UTRN: variants seen among roughly 807,000 people sequenced by gnomAD.
UTRN encodes the protein utrophin, also known as dystrophin-related protein 1.
A neutral mutation model predicts 463.9 loss-of-function variants in UTRN; 283 were observed. That is an observed-to-expected ratio of 0.61 (90% CI 0.55 to 0.67). The LOEUF is 0.67. Ranked by LOEUF, UTRN falls within the 30% of genes least tolerant of loss-of-function variation. The pLI is 0.00. For synonymous variants in UTRN, 1,442 were observed against 1,431.5 expected, an observed-to-expected ratio of 1.01 and a Z score of -0.17; for missense variants, 3,922 against 4,084.3, an observed-to-expected ratio of 0.96 and a Z score of 1.08.
chr6:144,544,636 C>T (rs945271340), intron 46 of UTRN, among the ~76,000 whole-genome samples: 2 of 152,020 alleles, frequency 1.3e-5, no homozygotes, highest in African/African-American at 4.8e-5. Context: ...ACAGTCCTAC[C>T]GTACTTTCTT....
chr6:144,784,558 C>T (rs1461489640), intron 61 of UTRN, among the ~76,000 whole-genome samples: 1 of 152,206 alleles, frequency 6.6e-6, no homozygotes, highest in Non-Finnish European at 1.5e-5. Context: ...CAAATACAGT[C>T]CCATTCTGAG....
intron 2 of UTRN, among the ~76,000 whole-genome samples, chr6:144,361,546 C>T (rs941933695): frequency 6.6e-6 from 1 of 151,950 alleles, no homozygotes; most frequent in African/African-American, 2.4e-5. Context: ...CATTGCGGGG[C>T]TGATAAGGAA....
At chr6:144,294,464 T>C (rs1408812700) in intron 2 of UTRN, among the ~76,000 whole-genome samples, 2 of 152,218 alleles carry the variant, frequency 1.3e-5, no homozygotes, top group Non-Finnish European at 1.5e-5. Context: ...ATTGTCTACA[T>C]ATCATATATG....
intron 46 of UTRN, among the ~76,000 whole-genome samples, chr6:144,547,883 G>A (rs1267590094): frequency 2.6e-5 from 4 of 152,072 alleles, no homozygotes; most frequent in Non-Finnish European, 4.4e-5. Flanking sequence ...TTTTTATTAG[G>A]ATTGTGCTGA....
intron 54 of UTRN, among the ~76,000 whole-genome samples, chr6:144,737,135 A>G (rs1029269166): frequency 6.6e-6 from 1 of 151,676 alleles, no homozygotes; most frequent in African/African-American, 2.4e-5. Flanking sequence ...GAAAGAGTGT[A>G]AAAAAATGAT....
At chr6:144,580,455 A>G (rs140096710) in intron 51 of UTRN, among the ~76,000 whole-genome samples, 72 of 152,272 alleles carry the variant, frequency 4.7e-4, no homozygotes, top group Non-Finnish European at 9.0e-4. Flanking sequence ...ATCTTGGGTG[A>G]ATTTTGATAA....
At chr6:144,648,018 A>G (rs1309183692) in intron 51 of UTRN, among the ~76,000 whole-genome samples, 2 of 152,170 alleles carry the variant, frequency 1.3e-5, no homozygotes, top group Non-Finnish European at 2.9e-5. Flanking sequence ...TATACTTCTT[A>G]CTTAACATTA....
At chr6:144,351,309 C>T (rs2114658527) in intron 2 of UTRN, among the ~76,000 whole-genome samples, 1 of 152,252 alleles carries the variant, frequency 6.6e-6, no homozygotes, top group South Asian at 2.1e-4. Context: ...GAAGATAAGA[C>T]ATTAGTTTAA....
intron 3 of UTRN, among the ~76,000 whole-genome samples, chr6:144,412,477 G>A (rs960570423): frequency 3.3e-5 from 5 of 152,014 alleles, no homozygotes; most frequent in Admixed American, 1.3e-4. Flanking sequence ...TGAAATTGGG[G>A]TTCATGAGTT....
chr6:144,633,778 C>G (rs1316376317), intron 51 of UTRN, among the ~76,000 whole-genome samples: 2 of 152,112 alleles, frequency 1.3e-5, no homozygotes, highest in African/African-American at 4.8e-5. Flanking sequence ...CTTTTCCTTC[C>G]CTTCGGTATG....
At chr6:144,646,231 C>G (rs1048968267) in intron 51 of UTRN, among the ~76,000 whole-genome samples, 8 of 152,106 alleles carry the variant, frequency 5.3e-5, no homozygotes, top group Non-Finnish European at 1.2e-4. Context: ...ACCTTTTTAA[C>G]CTTCATTTAT....
intron 26 of UTRN, 143 bp from the exon 27 acceptor site, chr6:144,482,066 C>T: frequency 3.0e-6 from 2 of 666,018 alleles, no homozygotes; most frequent in Admixed American, 8.3e-5. Flanking sequence ...TTCACTGTTA[C>T]CTAAATAATG....
rs1363834631 is a variant in UTRN, at chr6:144,759,977, G to T, written c.8495+1988G>T. Reference sequence around the variant, plus strand: ...TTTATCATCTGATTTTTTTAAAAATGCAAACTGGATCTAGTTTTTGGGTTT... The same window carrying T: ...TTTATCATCTGATTTTTTTAAAAATTCAAACTGGATCTAGTTTTTGGGTTT... On this transcript the variant is annotated intron_variant, in intron 58 of 74. Coordinates refer to ENST00000367545, the MANE Select transcript of UTRN (RefSeq NM_007124.3). 3.9e-5 allele frequency among the ~76,000 whole-genome samples: 6 copies of T among 152,022 alleles called. No individual in the cohort carries two copies. In the East Asian group the frequency reaches 1.2e-3, roughly 29 times the overall value.
At chr6:144,549,137 C>T (rs1418801619) in intron 47 of UTRN, among the ~76,000 whole-genome samples, 1 of 152,174 alleles carries the variant, frequency 6.6e-6, no homozygotes, top group Admixed American at 6.5e-5. Context: ...TAAATATAAG[C>T]TGGCGTTAGC....
chr6:144,656,844 C>G (rs1779361121), intron 51 of UTRN, among the ~76,000 whole-genome samples: 1 of 152,052 alleles, frequency 6.6e-6, no homozygotes. Flanking sequence ...TATAGTTACC[C>G]TGTGATTAAA....
At chr6:144,541,237 G>A (rs892933136) in intron 45 of UTRN, among the ~76,000 whole-genome samples, 4 of 152,104 alleles carry the variant, frequency 2.6e-5, no homozygotes, top group Non-Finnish European at 5.9e-5. Flanking sequence ...ATGGCCTGGC[G>A]TCCTGTGATC....
intron 51 of UTRN, among the ~76,000 whole-genome samples, chr6:144,675,822 C>T (rs915401280): frequency 2.0e-5 from 3 of 152,084 alleles, no homozygotes; most frequent in Admixed American, 6.6e-5. Flanking sequence ...GTTCTTGGAG[C>T]GAAAGTTCAC....
At chr6:144,669,390 G>A (rs1300589357) in intron 51 of UTRN, among the ~76,000 whole-genome samples, 5 of 152,028 alleles carry the variant, frequency 3.3e-5, no homozygotes, top group African/African-American at 1.2e-4. Context: ...ATACACAAAT[G>A]CATATGCCAA....
intron 2 of UTRN, among the ~76,000 whole-genome samples, chr6:144,331,931 A>AT (rs1387138322): frequency 3.9e-5 from 6 of 152,288 alleles, no homozygotes; most frequent in African/African-American, 1.4e-4. Context: ...GTGAGATGCC[A>AT]TTTTCAAATG....
Sources: gnomAD v4.1 joint callset for allele counts (sites outside exome capture counted in the v4.1 genomes callset) on GRCh38, gnomAD v4.1.1 for gene constraint, MANE v1.5 for transcripts, NCBI Gene and HGNC (gene_info 2026-07-23, HGNC 2026-07-21) for gene names.